The following BMPR1A variants were observed in gnomAD, a reference collection of about 807,000 sequenced individuals.
The protein encoded by BMPR1A is bone morphogenetic protein receptor type-1A.
BMPR1A carries 7 observed loss-of-function variants against 66.0 expected under a neutral mutation model. The ratio of observed to expected loss-of-function variants is 0.11; its 90% CI spans 0.06 to 0.20. The LOEUF is 0.20. Ranked by LOEUF, BMPR1A falls within the 10% of genes least tolerant of loss-of-function variation. The probability of loss-of-function intolerance (pLI) is 1.00; values close to 1 mark genes in which losing one functional copy is unlikely to be tolerated. For synonymous variants in BMPR1A, 200 were observed against 229.7 expected, an observed-to-expected ratio of 0.87 and a Z score of 1.17; for missense variants, 408 against 669.1, an observed-to-expected ratio of 0.61 and a Z score of 4.31.
chr10:86,776,272 ATAAT>A (rs145784205), intron 1 of BMPR1A, among the ~76,000 whole-genome samples: 1,633 of 152,338 alleles, frequency 0.011, 33 homozygotes, highest in African/African-American at 0.037. Context: ...ATGAGCATAA[ATAAT>A]GCTTTGAGTT....
chr10:86,835,346 A>G (rs1026215087), intron 1 of BMPR1A, among the ~76,000 whole-genome samples: 26 of 150,936 alleles, frequency 1.7e-4, no homozygotes, highest in Admixed American at 2.6e-4. Context: ...CGGGCGGATC[A>G]TGAGGTCAGG....
At chr10:86,793,104 A>ACCCCCCCCCCCCCCCCCCCCCCC (rs1178182645) in intron 1 of BMPR1A, among the ~76,000 whole-genome samples, 1 of 58,338 alleles carries the variant, frequency 1.7e-5, no homozygotes, top group African/African-American at 6.7e-5. Context: ...ACCCCCCCCC[A>ACCCCCCCCCCCCCCCCCCCCCCC]CCCCCCGCCA....
intron 8 of BMPR1A, among the ~76,000 whole-genome samples, chr10:86,915,021 A>T (rs566242706): frequency 9.8e-5 from 15 of 152,346 alleles, no homozygotes; most frequent in African/African-American, 3.6e-4. Flanking sequence ...AATATTACTC[A>T]TCAGTAAAAA....
intron 7 of BMPR1A, 133 bp from the exon 8 acceptor site, chr10:86,912,107 T>C: frequency 1.1e-6 from 1 of 932,732 alleles, no homozygotes; most frequent in South Asian, 1.6e-5. Context: ...CAGGATATAT[T>C]ATCCAATGAT....
intron 1 of BMPR1A, among the ~76,000 whole-genome samples, chr10:86,774,054 A>G (rs1218982085): frequency 3.3e-5 from 5 of 151,738 alleles, no homozygotes; most frequent in Non-Finnish European, 7.4e-5. Flanking sequence ...TTTCACCATA[A>G]TGGCCAGGCT....
rs5786745 is a variant in BMPR1A at position 86,763,790 on chromosome 10, G to GTTTTTTT, written c.-268+6884_-268+6890dup. ...AAATCTGTAGGAGACTTGGATAGTT[G>GTTTTTTT]TTTTTTTTTTTTTTTTTTTGAGACG... is the stretch of plus-strand genomic sequence containing the variant. On this transcript the variant is annotated intron_variant, in intron 1 of 12. Coordinates refer to ENST00000372037, the MANE Select transcript of BMPR1A (RefSeq NM_004329.3). 9.4e-5 allele frequency among the ~76,000 whole-genome samples: 11 copies of GTTTTTTT among 117,442 alleles called. 1 individual carries two copies. Among genetic ancestry groups the GTTTTTTT allele is most frequent in the African/African-American group, 1.3e-4 (4 of 31,126 alleles). 77.0% of individuals were successfully genotyped at this position (117,442 alleles called of 152,430 possible).
intron 1 of BMPR1A, among the ~76,000 whole-genome samples, chr10:86,763,798 T>G (rs1463334737): frequency 1.3e-5 from 2 of 149,328 alleles, no homozygotes; most frequent in Non-Finnish European, 1.5e-5. Flanking sequence ...TTGTTTTTTT[T>G]TTTTTTTTTT....
rs1348344660 is a variant in BMPR1A, at chr10:86,875,739, AC to A, written c.-152-126del. 1.1e-4 allele frequency: 52 copies of A among 474,746 alleles called. No individual in the cohort carries two copies. The South Asian group carries it at 1.5e-3, about 13-fold the overall frequency. The allele number at this position is 474,746 out of a possible 1,614,324, so 29.4% of individuals were successfully genotyped here. ...TGCCTAAAAAAAAAAAAGCAAGGATACCTTTAATCTTTTAAAATGTATTTCA... is the reference window on the plus strand; with the variant it reads ...TGCCTAAAAAAAAAAAAGCAAGGATACTTTAATCTTTTAAAATGTATTTCA... On this transcript the variant is annotated intron_variant, in intron 2 of 12. Transcript: ENST00000372037.
intron 1 of BMPR1A, among the ~76,000 whole-genome samples, chr10:86,771,543 C>A (rs2168726): frequency 0.51 from 77,451 of 151,992 alleles, 20,779 homozygotes; most frequent in East Asian, 0.72. Context: ...TGCATAGTTC[C>A]TAAGTGGCAG....
At chr10:86,834,892 T>C (rs1307356129) in intron 1 of BMPR1A, among the ~76,000 whole-genome samples, 1 of 152,110 alleles carries the variant, frequency 6.6e-6, no homozygotes, top group Non-Finnish European at 1.5e-5. Context: ...GTCCTATGAA[T>C]GCAACTATAG....
intron 2 of BMPR1A, among the ~76,000 whole-genome samples, chr10:86,852,133 A>G (rs545454413): frequency 2.0e-5 from 3 of 152,192 alleles, no homozygotes; most frequent in South Asian, 2.1e-4. Context: ...AAAAAAAAAA[A>G]AGTTCTTTCA....
intron 2 of BMPR1A, among the ~76,000 whole-genome samples, chr10:86,842,204 A>G (rs1842433822): frequency 1.3e-5 from 2 of 152,118 alleles, no homozygotes; most frequent in African/African-American, 4.8e-5. Flanking sequence ...TAGTGTCGGA[A>G]TTTAATTGGA....
At chr10:86,806,273 GT>G (rs1192053563) in intron 1 of BMPR1A, among the ~76,000 whole-genome samples, 1 of 152,044 alleles carries the variant, frequency 6.6e-6, no homozygotes, top group East Asian at 1.9e-4. Context: ...TATAATTACT[GT>G]TTTCCCTCTT....
intron 8 of BMPR1A, among the ~76,000 whole-genome samples, chr10:86,916,726 C>T (rs145189830): frequency 0.046 from 6,985 of 152,128 alleles, 208 homozygotes; most frequent in South Asian, 0.078. Flanking sequence ...TGGTGGCTCA[C>T]GCCTGTAATC....
intron 1 of BMPR1A, among the ~76,000 whole-genome samples, chr10:86,777,252 C>T (rs1841365658): frequency 6.6e-6 from 1 of 152,156 alleles, no homozygotes; most frequent in Admixed American, 6.5e-5. Context: ...TGTGCCTACT[C>T]TACACTTGTA....
chr10:86,911,657 G>A (rs1843487661), intron 7 of BMPR1A, among the ~76,000 whole-genome samples: 1 of 152,144 alleles, frequency 6.6e-6, no homozygotes, highest in African/African-American at 2.4e-5. Flanking sequence ...GGCTGAGGTG[G>A]GAGGATCGCT....
intron 1 of BMPR1A, among the ~76,000 whole-genome samples, chr10:86,790,600 TACTC>T (rs1336490681): frequency 1.3e-5 from 2 of 152,168 alleles, no homozygotes; most frequent in African/African-American, 2.4e-5. Context: ...AATGGAATAT[TACTC>T]ACCCATGAAA....
At position 86,765,483 on chromosome 10, in the gene BMPR1A, C is replaced by CAAA. The variant is rs34219531; in HGVS notation, c.-268+8584_-268+8586dup. 1.1e-3 allele frequency among the ~76,000 whole-genome samples: 74 copies of CAAA among 70,402 alleles called. 1 individual carries two copies. Among genetic ancestry groups the CAAA allele is most frequent in the East Asian group, 1.6e-3 (4 of 2,470 alleles). 46.2% of individuals were successfully genotyped at this position (70,402 alleles called of 152,430 possible). A position where few individuals can be genotyped will look rare whatever the true frequency, so the allele number is the denominator to read the frequency against. On this transcript the variant is annotated intron_variant, in intron 1 of 12. Transcript: ENST00000372037. ...TGGGCGACAGAGTAAGACTCTGTCTCAAAAAAAAAAAAAAAAAAAAAAGAA... is the reference window on the plus strand; with the variant it reads ...TGGGCGACAGAGTAAGACTCTGTCTCAAAAAAAAAAAAAAAAAAAAAAAAAGAA...
chr10:86,916,522 T>C (rs903146876), intron 8 of BMPR1A, among the ~76,000 whole-genome samples: 1 of 152,212 alleles, frequency 6.6e-6, no homozygotes, highest in Non-Finnish European at 1.5e-5. Flanking sequence ...ACGTTCGCTG[T>C]TGTTCTTTTA....
Sources: allele counts gnomAD v4.1 joint callset (sites outside exome capture counted in the v4.1 genomes callset), GRCh38; gene constraint gnomAD v4.1.1; transcripts MANE v1.5; gene names NCBI Gene and HGNC (gene_info 2026-07-23, HGNC 2026-07-21).